NRXN3: variants seen among roughly 807,000 people sequenced by gnomAD.
NRXN3 encodes the protein neurexin III.
Under a neutral mutation model 137.6 loss-of-function variants are expected in NRXN3, and 32 were observed. The observed-to-expected ratio is 0.23, with a 90% confidence interval of 0.18 to 0.31. The LOEUF is 0.31. Among genes scored for constraint, NRXN3 ranks in the 10% least tolerant of loss-of-function variants. NRXN3 has a pLI of 1.00. For missense variants in NRXN3, 1,574 were observed against 2,062.5 expected, an observed-to-expected ratio of 0.76 and a Z score of 4.59; for synonymous variants, 798 against 784.5, an observed-to-expected ratio of 1.02 and a Z score of -0.29.
chr14:79,672,560 T>G (rs1473384082), intron 17 of NRXN3, among the ~76,000 whole-genome samples: 2 of 152,080 alleles, frequency 1.3e-5, no homozygotes, highest in African/African-American at 2.4e-5. Flanking sequence ...CATACATTCT[T>G]CTGAATTAAA....
chr14:78,326,847 T>C (rs1304160041), intron 4 of NRXN3, among the ~76,000 whole-genome samples: 5 of 151,928 alleles, frequency 3.3e-5, no homozygotes, highest in Admixed American at 3.3e-4. Context: ...TGTGTGTAAT[T>C]GTGAACAGAA....
intron 10 of NRXN3, among the ~76,000 whole-genome samples, chr14:78,870,165 C>G (rs181322836): frequency 1.3e-5 from 2 of 152,094 alleles, no homozygotes; most frequent in East Asian, 3.9e-4. Flanking sequence ...CTTGCTAAAA[C>G]CAGATTTTAC....
At chr14:78,552,795 A>G (rs887584752) in intron 4 of NRXN3, among the ~76,000 whole-genome samples, 20 of 152,216 alleles carry the variant, frequency 1.3e-4, no homozygotes, top group African/African-American at 4.8e-4. Flanking sequence ...TTAGATCAGT[A>G]AGGTGACTAT....
At chr14:78,217,407 A>G (rs1566990005) in intron 1 of NRXN3, among the ~76,000 whole-genome samples, 1 of 152,156 alleles carries the variant, frequency 6.6e-6, no homozygotes. Flanking sequence ...TGCTACTGTC[A>G]TCTAGTGGGT....
At chr14:78,185,477 A>G (rs1221281575) in intron 1 of NRXN3, among the ~76,000 whole-genome samples, 1 of 152,194 alleles carries the variant, frequency 6.6e-6, no homozygotes, top group East Asian at 1.9e-4. Flanking sequence ...AATGGGGCTG[A>G]AAGGGTATGC....
intron 15 of NRXN3, chr14:79,279,377 C>T (rs1470284774): frequency 1.5e-5 from 15 of 986,150 alleles, no homozygotes; most frequent in Non-Finnish European, 1.8e-5. Flanking sequence ...TCCCCAACTC[C>T]TCGCTTCACT....
At chr14:78,884,207 C>T (rs2099136802) in intron 10 of NRXN3, among the ~76,000 whole-genome samples, 1 of 152,172 alleles carries the variant, frequency 6.6e-6, no homozygotes. Context: ...GTGACCCACC[C>T]TTACTTTCTC....
intron 4 of NRXN3, among the ~76,000 whole-genome samples, chr14:78,451,736 G>A (rs1193696074): frequency 6.6e-6 from 1 of 152,208 alleles, no homozygotes; most frequent in Non-Finnish European, 1.5e-5. Context: ...AGAGGACAAT[G>A]TTTAACCCAA....
chr14:79,480,127 T>A (rs749872117), intron 16 of NRXN3, among the ~76,000 whole-genome samples: 14 of 152,174 alleles, frequency 9.2e-5, no homozygotes, highest in Non-Finnish European at 1.6e-4. Flanking sequence ...TGGCCTGTCA[T>A]CCCTTGGTCT....
intron 15 of NRXN3, among the ~76,000 whole-genome samples, chr14:79,153,685 G>A (rs1370764988): frequency 1.3e-5 from 2 of 151,920 alleles, no homozygotes; most frequent in African/African-American, 4.8e-5. Flanking sequence ...CATTTTTCCT[G>A]AGTAGACCTC....
At chr14:78,300,749 T>C (rs1358499899) in intron 4 of NRXN3, 1 of 1,193,358 alleles carries the variant, frequency 8.4e-7, no homozygotes, top group Non-Finnish European at 1.2e-6. Context: ...GAAATATTCA[T>C]GCATCCAAGA....
chr14:78,879,882 T>A (rs2099123622), intron 10 of NRXN3, among the ~76,000 whole-genome samples: 1 of 152,150 alleles, frequency 6.6e-6, no homozygotes, highest in Admixed American at 6.5e-5. Context: ...CCAAATTGAT[T>A]TGCCTTTTGC....
chr14:79,585,241 G>A (rs553614086), intron 16 of NRXN3, among the ~76,000 whole-genome samples: 19 of 152,300 alleles, frequency 1.2e-4, no homozygotes, highest in African/African-American at 4.3e-4. Flanking sequence ...AAGAAGTTTA[G>A]TAGACTCATA....
At chr14:78,453,825 C>G (rs2094609806) in intron 4 of NRXN3, among the ~76,000 whole-genome samples, 1 of 152,138 alleles carries the variant, frequency 6.6e-6, no homozygotes, top group African/African-American at 2.4e-5. Context: ...CCAAGTGATA[C>G]ATCTACAAGC....
chr14:79,489,815 G>A (rs577612937), intron 16 of NRXN3, among the ~76,000 whole-genome samples: 16 of 151,870 alleles, frequency 1.1e-4, no homozygotes, highest in South Asian at 2.1e-4. Flanking sequence ...TGAGATGGGC[G>A]GATCACGAGC....
At chr14:79,197,780 T>C (rs1014660344) in intron 15 of NRXN3, among the ~76,000 whole-genome samples, 4 of 152,164 alleles carry the variant, frequency 2.6e-5, no homozygotes, top group African/African-American at 9.7e-5. Context: ...GCAAGGAATT[T>C]GAGTCTTCCT....
chr14:78,907,434 A>T (rs954372580), intron 10 of NRXN3, among the ~76,000 whole-genome samples: 1 of 152,064 alleles, frequency 6.6e-6, no homozygotes, highest in African/African-American at 2.4e-5. Flanking sequence ...GCTTTGAATT[A>T]TGTAATGTTA....
intron 2 of NRXN3, chr14:78,250,175 C>T (rs547273790): frequency 3.1e-5 from 15 of 479,162 alleles, no homozygotes; most frequent in Admixed American, 3.1e-4. Flanking sequence ...CAATTTGTGT[C>T]TAGACAGTCT....
At chr14:78,549,948 A>C (rs2096670565) in intron 4 of NRXN3, among the ~76,000 whole-genome samples, 1 of 152,048 alleles carries the variant, frequency 6.6e-6, no homozygotes, top group African/African-American at 2.4e-5. Context: ...CCCTTTTAGT[A>C]ACTTAGTAAA....
Sources: allele counts gnomAD v4.1 joint callset (sites outside exome capture counted in the v4.1 genomes callset), GRCh38; gene constraint gnomAD v4.1.1; transcripts MANE v1.5; gene names NCBI Gene and HGNC (gene_info 2026-07-23, HGNC 2026-07-21).